NFKBID: variants seen among roughly 807,000 people sequenced by gnomAD.
NFKBID encodes the protein NF-kappa-B inhibitor delta.
Under a neutral mutation model 53.4 loss-of-function variants are expected in NFKBID, and 26 were observed. The observed-to-expected ratio is 0.49, with a 90% CI of 0.36 to 0.68. The LOEUF is 0.68. Among genes scored for constraint, NFKBID ranks in the 30% least tolerant of loss-of-function variants. NFKBID has a pLI of 0.00. For missense variants in NFKBID, 493 were observed against 614.1 expected, an observed-to-expected ratio of 0.80 and a Z score of 2.08; for synonymous variants, 262 against 259.8, an observed-to-expected ratio of 1.01 and a Z score of -0.08.
chr19:35,895,731 G>A (rs978939163), intron 9 of NFKBID, among the ~76,000 whole-genome samples: 24 of 152,174 alleles, frequency 1.6e-4, no homozygotes, highest in Non-Finnish European at 3.1e-4. Context: ...TTGAACCCGG[G>A]ATGCAGAGGT....
intron 9 of NFKBID, among the ~76,000 whole-genome samples, chr19:35,895,360 C>T (rs911392768): frequency 1.0e-4 from 15 of 150,310 alleles, no homozygotes; most frequent in African/African-American, 1.7e-4. Flanking sequence ...TGGTGGCGTG[C>T]GCCTATAGTC....
chr19:35,897,840 T>C, exon 4 of NFKBID: 1 of 1,554,506 alleles, frequency 6.4e-7, no homozygotes. Flanking sequence ...CCGAGTGTGC[T>C]GGGAAGGGAG....
Position 35,897,345 on chromosome 19 carries a change from C to T in NFKBID, c.433-287G>A, listed in dbSNP as rs1599621916. 4 of 542,436 alleles carry T rather than the reference C, an allele frequency of 7.4e-6. No individual in the cohort carries two copies. In the East Asian group the frequency reaches 1.2e-4, roughly 16 times the overall value. 33.6% of individuals were successfully genotyped at this position (542,436 alleles called of 1,614,324 possible). A position where few individuals can be genotyped will look rare whatever the true frequency, so the allele number is the denominator to read the frequency against. ...TCTCTACTCACTGCAATCTCTACCT[C>T]CTGGGTTCAAGCAATTCCCCTGCCT... On this transcript the variant is annotated intron_variant, in intron 4 of 11. Transcript: ENST00000641389.
At chr19:35,888,733 G>T in intron 11 of NFKBID, 121 bp from the exon 12 acceptor site, 1 of 732,984 alleles carries the variant, frequency 1.4e-6, no homozygotes, top group Non-Finnish European at 2.4e-6. Flanking sequence ...TGGATTTGAA[G>T]ATCAGAGGTC....
chr19:35,890,745 T>G, intron 9 of NFKBID: 1 of 460,498 alleles, frequency 2.2e-6, no homozygotes. Flanking sequence ...GCACCTGTAG[T>G]CCCAGCTGCT....
chr19:35,894,412 A>ATAAGATT (rs1295364302), intron 9 of NFKBID, among the ~76,000 whole-genome samples: 2 of 152,136 alleles, frequency 1.3e-5, no homozygotes, highest in Non-Finnish European at 2.9e-5. Flanking sequence ...GTCACAAGCT[A>ATAAGATT]TAAGATTTTT....
Position 35,897,146 on chromosome 19 carries a change from T to G in NFKBID, c.433-88A>C, listed in dbSNP as rs1013170503. ...TGGGGAGACCCAGTCAGCTGAGAAT[T>G]CCTCCATCCCAAGCCACCACACACA... is the stretch of plus-strand genomic sequence containing the variant. On this transcript the variant is annotated intron_variant, in intron 4 of 11. Transcript: ENST00000641389. 3 of 1,393,136 alleles carry G rather than the reference T, an allele frequency of 2.2e-6. No individual in the cohort carries two copies. In the South Asian group the frequency reaches 4.0e-5, roughly 19 times the overall value. 86.3% of individuals were successfully genotyped at this position (1,393,136 alleles called of 1,614,324 possible).
At chr19:35,900,827 C>CTTTCTTTTTTTTTTTTTTTTTTTTTT (rs1975529581), upstream of NFKBID, among the ~76,000 whole-genome samples, 1 of 107,606 alleles carries the variant, frequency 9.3e-6, no homozygotes, top group African/African-American at 3.6e-5. Flanking sequence ...TTTTTCTTTT[C>CTTTCTTTTTTTTTTTTTTTTTTTTTT]TTTTTTTTTT....
At chr19:35,888,323 G>A (rs1313427337) in exon 12 of NFKBID, 3 of 536,940 alleles carry the variant, frequency 5.6e-6, no homozygotes, top group Admixed American at 3.3e-5. Flanking sequence ...ACAATCAAGG[G>A]GCCTCGATTT....
chr19:35,896,036 C>T lies in NFKBID; in HGVS notation c.976G>A (p.Asp326Asn), dbSNP rs751688510. The change falls in exon 9 of 12, where the codon GAC (aspartate) becomes AAC (asparagine). Residue 326 changes from aspartate (D) to asparagine (N), a missense_variant. By Grantham distance (23) the Asp-to-Asn change is conservative. Transcript: ENST00000641389. This position sits in a 1 kb window ranked among gnomAD's most constrained non-coding sequence, Gnocchi z 5.7. ...AACATGTGGACACAATCCAGCCTGT[C>T]TCGGGCCTGTGTGCTCAGCACCCGG... is the stretch of plus-strand genomic sequence containing the variant. 7.4e-6 allele frequency: 12 copies of T among 1,614,242 alleles called. No individual in the cohort carries two copies. Among genetic ancestry groups the T allele is most frequent in the South Asian group, 4.4e-5 (4 of 91,082 alleles).
chr19:35,896,172 C>T lies in NFKBID; in HGVS notation c.884-44G>A, dbSNP rs1440103946. On this transcript the variant is annotated intron_variant, in intron 8 of 11. Transcript: ENST00000641389. This position sits in a 1 kb window ranked among gnomAD's most constrained non-coding sequence, Gnocchi z 5.7. ...GAGGGACCCGCATCTGCACCCACCT[C>T]GCCCAGCCACACCAACCACACCAGC... 4.3e-6 allele frequency: 7 copies of T among 1,613,844 alleles called. No individual in the cohort carries two copies. The highest frequency in any genetic ancestry group is 1.7e-5 in the Admixed American group (1 of 60,014).
chr19:35,898,388 C>G (rs576921551), intron 3 of NFKBID, 84 bp downstream of exon 3: 2 of 833,180 alleles, frequency 2.4e-6, no homozygotes, highest in South Asian at 3.1e-5. Flanking sequence ...GCCTGACTCC[C>G]AGGTGTCCCA....
chr19:35,897,675 C>T (rs777040838), exon 4 of NFKBID: 9 of 1,600,642 alleles, frequency 5.6e-6, no homozygotes, highest in East Asian at 2.2e-5. Flanking sequence ...GAAATGGGCA[C>T]GGCTGCCCTG....
rs1244679675 is a variant in NFKBID, at chr19:35,897,077, T to G, written c.433-19A>C. ...GTCCAGCCTGTGGCAGAGAAGATCC[T>G]ACATAGAACTGGGTGTCTGGGGGGT... On this transcript the variant is annotated intron_variant, in intron 4 of 11. Coordinates refer to ENST00000641389, the Ensembl canonical transcript of NFKBID. The G allele has an allele frequency of 2.5e-6, 4 of 1,590,606 alleles. No homozygotes were observed. The highest frequency in any genetic ancestry group is 3.4e-6 in the Non-Finnish European group (4 of 1,173,892).
At chr19:35,894,482 G>A (rs1372107959) in intron 9 of NFKBID, among the ~76,000 whole-genome samples, 1 of 151,738 alleles carries the variant, frequency 6.6e-6, no homozygotes, top group African/African-American at 2.4e-5. Flanking sequence ...AGAGGTGGAA[G>A]GATTGCTTGA....
chr19:35,896,007 C>T lies in NFKBID; in HGVS notation c.1005G>A (p.Leu335=). Residue 335 remains leucine, a synonymous_variant, in exon 9 of 12, where the codon CTG becomes CTA. Transcript: ENST00000641389. This position sits in a 1 kb window ranked among gnomAD's most constrained non-coding sequence, Gnocchi z 5.7. ...GGCTGGTGTGATTAGCACCCATTTG[C>T]AGCAACATGTGGACACAATCCAGCC... 6.2e-7 allele frequency: 1 copy of T among 1,614,194 alleles called. No homozygotes were observed. The highest frequency in any genetic ancestry group is 8.5e-7 in the Non-Finnish European group (1 of 1,180,028).
intron 9 of NFKBID, among the ~76,000 whole-genome samples, chr19:35,893,423 A>G (rs1327633177): frequency 2.0e-5 from 3 of 152,152 alleles, no homozygotes; most frequent in African/African-American, 7.2e-5. Flanking sequence ...TCCTTCTTAC[A>G]GTCCATCCCC....
At chr19:35,898,449 G>GGCCGGGGGATGGGGAA in intron 3 of NFKBID, 23 bp downstream of exon 3, 1 of 1,503,630 alleles carries the variant, frequency 6.7e-7, no homozygotes, top group Non-Finnish European at 8.9e-7. Flanking sequence ...GGGATGGGGA[G>GGCCGGGGGATGGGGAA]GCCGGGAGCT....
chr19:35,896,473 T>C lies in NFKBID; in HGVS notation c.750A>G (p.Gly250=), dbSNP rs762846822. ...GATGGTCAGCGGCATTGGGCTCTGC[T>C]CCCAGGTTCAACAGATCCTCCACAA... The change falls in exon 7 of 12, where the codon GGA becomes GGG. Residue 250 remains glycine, a synonymous_variant. Transcript: ENST00000641389. The surrounding 1 kb of genome is among the most constrained non-coding windows in gnomAD (Gnocchi z 5.7). The C allele has an allele frequency of 2.5e-6, 4 of 1,613,920 alleles. No homozygotes were observed. In the Admixed American group the frequency reaches 6.7e-5, roughly 27 times the overall value.
Sources: gnomAD v4.1 joint callset for allele counts (sites outside exome capture counted in the v4.1 genomes callset) on GRCh38, gnomAD v4.1.1 for gene constraint, Gnocchi (gnomAD v3.1) non-coding constraint, MANE v1.5 for transcripts, NCBI Gene and HGNC (gene_info 2026-07-23, HGNC 2026-07-21) for gene names.